The following PCYT2 variants were observed in gnomAD, a reference collection of about 807,000 sequenced individuals.
PCYT2 encodes phosphate cytidylyltransferase 2, ethanolamine.
PCYT2 carries 33 observed loss-of-function variants against 50.0 expected under a neutral mutation model. The ratio of observed to expected loss-of-function variants is 0.66; its 90% CI spans 0.50 to 0.88. PCYT2 has a LOEUF of 0.88. Ranked by LOEUF, PCYT2 falls within the 40% of genes least tolerant of loss-of-function variation. PCYT2 has a pLI of 0.00. For missense variants in PCYT2, 430 were observed against 519.7 expected (o/e 0.83, Z 1.68); for synonymous variants, 240 against 203.7 (o/e 1.18, Z -1.52).
chr17:81,905,476 C>T (rs1413987004), intron 10 of PCYT2, 29 bp from the exon 11 acceptor site: 1 of 1,556,944 alleles, frequency 6.4e-7, no homozygotes, highest in Admixed American at 1.9e-5. Flanking sequence ...CAGGAGCCCT[C>T]CCCGGGGAGG....
chr17:81,902,741 C>T lies in PCYT2; in HGVS notation c.*2092G>A, dbSNP rs778717259. The T allele has an allele frequency of 6.8e-5, 110 of 1,605,910 alleles. No individual in the cohort carries two copies. Among genetic ancestry groups the T allele is most frequent in the Non-Finnish European group, 9.0e-5 (106 of 1,177,676 alleles). ...TCCCTGCGCGCAGCCGACTGCCTCG[C>T]CGCCTGAGCCCGGACCTCTCCTGGC... is the stretch of plus-strand genomic sequence containing the variant. On this transcript the variant is annotated 3_prime_UTR_variant, in exon 13 of 13. Coordinates refer to ENST00000538936, the MANE Select transcript of PCYT2 (RefSeq NM_002861.5).
chr17:81,905,390 G>T lies in PCYT2; in HGVS notation c.961C>A (p.Pro321Thr). ...EIIPDRDGSD[P>T]YQEPKRRGIF... Reference sequence around the variant, plus strand: ...GGGCCAGCATGACCCACCTGGTATGGGTCGGAGCCATCCCTGTCAGGGATA... The same window carrying T: ...GGGCCAGCATGACCCACCTGGTATGTGTCGGAGCCATCCCTGTCAGGGATA... The change falls in exon 11 of 13, where the codon CCA (proline) becomes ACA (threonine). Residue 321 changes from proline to threonine, a missense_variant. Physicochemically the swap from Pro to Thr is conservative, Grantham distance 38. Around this residue, in one of 4 missense-constraint regions of PCYT2, gnomAD observed 248 missense variants for 300.2 expected, o/e 0.83. Coordinates refer to ENST00000538936, the MANE Select transcript of PCYT2 (RefSeq NM_002861.5). 6.4e-7 allele frequency: 1 copy of T among 1,559,286 alleles called. No homozygotes were observed. The highest frequency in any genetic ancestry group is 8.7e-7 in the Non-Finnish European group (1 of 1,151,568).
rs530244249 is a variant in PCYT2 at position 81,902,801 on chromosome 17, C to T, written c.*2032G>A. On this transcript the variant is annotated 3_prime_UTR_variant, in exon 13 of 13. Transcript: ENST00000538936. ...GGCCCCCCGCCCCCACCGTCCCACT[C>T]GGTGACCCCAGGCCCCTCCGGCGCG... is the stretch of plus-strand genomic sequence containing the variant. 4 of 1,538,334 alleles carry T rather than the reference C, an allele frequency of 2.6e-6. No homozygotes were observed. The highest frequency in any genetic ancestry group is 2.8e-5 in the African/African-American group (2 of 71,560).
intron 1 of PCYT2, among the ~76,000 whole-genome samples, chr17:81,910,502 G>T (rs2040532060): frequency 6.6e-6 from 1 of 152,228 alleles, no homozygotes; most frequent in Non-Finnish European, 1.5e-5. Context: ...TGGAGGGGAG[G>T]AGGGGGCAGA....
At chr17:81,908,449 G>T in intron 4 of PCYT2, 119 bp downstream of exon 4, 1 of 735,448 alleles carries the variant, frequency 1.4e-6, no homozygotes, top group Non-Finnish European at 2.3e-6. Flanking sequence ...TGGGCGTGAG[G>T]AACATGGCCC....
Position 81,905,893 on chromosome 17 carries a change from G to T in PCYT2, c.838-158C>A. On this transcript the variant is annotated intron_variant, in intron 9 of 12. Transcript: ENST00000538936. The stretch of plus-strand genomic sequence containing the variant: ...GGGGACCCCTGGGGCTCCTCCATGA[G>T]ACAAGAAGGAACAGCATCTGGAGAC... 4 of 808,218 alleles carry T rather than the reference G, an allele frequency of 4.9e-6. 1 individual carries two copies. The highest frequency in any genetic ancestry group is 6.0e-4 in the Middle Eastern group (2 of 3,346). The allele number at this position is 808,218 out of a possible 1,614,324, so 50.1% of individuals were successfully genotyped here.
At position 81,908,928 on chromosome 17, in the gene PCYT2, G is replaced by A; in HGVS notation, c.288C>T (p.Val96=). The A allele has an allele frequency of 6.2e-7, 1 of 1,613,888 alleles. No individual in the cohort carries two copies. Among genetic ancestry groups the A allele is most frequent in the South Asian group, 1.1e-5 (1 of 91,076 alleles). The change falls in exon 3 of 13, where the codon GTC becomes GTT. Residue 96 remains valine (V), a synonymous_variant. Transcript: ENST00000538936. ...VDEVVPAAPY[V]TTLETLDKYN... is the part of the protein sequence containing the mutation. ...ATTTGTCCAGGGTCTCTAGTGTAGT[G>A]ACGTAGGGAGCCGCTGGCACCACCT...
chr17:81,905,884 C>T, intron 9 of PCYT2, 149 bp from the exon 10 acceptor site: 2 of 846,590 alleles, frequency 2.4e-6, no homozygotes, highest in South Asian at 2.8e-5. Flanking sequence ...CCCTGGGGCT[C>T]CTCCATGAGA....
At position 81,906,192 on chromosome 17, in the gene PCYT2, C is replaced by T. The variant is rs1449542722; in HGVS notation, c.760-15G>A. 7 of 1,601,532 alleles carry T rather than the reference C, an allele frequency of 4.4e-6. No individual in the cohort carries two copies. Among genetic ancestry groups the T allele is most frequent in the Admixed American group, 3.4e-5 (2 of 58,124 alleles). On this transcript the variant is annotated splice_polypyrimidine_tract_variant and intron_variant, in intron 8 of 12. Transcript: ENST00000538936. Reference sequence around the variant, plus strand: ...TGATTGACCTCCTGCGGCCAGAGTGCGGCTAGCTCAGCCCGGAGACTTTTT... The same window carrying T: ...TGATTGACCTCCTGCGGCCAGAGTGTGGCTAGCTCAGCCCGGAGACTTTTT...
intron 1 of PCYT2, 128 bp downstream of exon 1, chr17:81,911,139 G>C: frequency 3.6e-5 from 36 of 1,001,914 alleles, no homozygotes; most frequent in Non-Finnish European, 4.3e-5. Context: ...CAGCCTGCCA[G>C]CCCCGGCCCA....
rs1170260775 is a variant in PCYT2 at position 81,904,653 on chromosome 17, TG to T, written c.*179del. ...GGACACCCTCTCTGAGCAGCTTTGCTGGAAAGAGCGGAGAGCCTGCTGCAAA... is the reference window on the plus strand; with the variant it reads ...GGACACCCTCTCTGAGCAGCTTTGCTGAAAGAGCGGAGAGCCTGCTGCAAA... On this transcript the variant is annotated 3_prime_UTR_variant, in exon 13 of 13. Transcript: ENST00000538936. 9 of 587,422 alleles carry T rather than the reference TG, an allele frequency of 1.5e-5. No individual in the cohort carries two copies. Among genetic ancestry groups the T allele is most frequent in the African/African-American group, 3.7e-5 (2 of 53,704 alleles). 36.4% of individuals were successfully genotyped at this position (587,422 alleles called of 1,614,324 possible).
intron 1 of PCYT2, 51 bp from the exon 2 acceptor site, chr17:81,909,653 G>A (rs113188328): frequency 7.1e-7 from 1 of 1,412,888 alleles, no homozygotes; most frequent in South Asian, 1.1e-5. Flanking sequence ...TGGGGACCAG[G>A]TGTCCCTGTG....
In PCYT2 at chr17:81,905,660, G is replaced by A. The variant is rs371587650; in HGVS notation, c.903+10C>T. Reference sequence around the variant, plus strand: ...CAGAGGGAACGAGGTGAGCCCATGCGGAGCCTCACCTTGAAGTGACTTAGG... The same window carrying A: ...CAGAGGGAACGAGGTGAGCCCATGCAGAGCCTCACCTTGAAGTGACTTAGG... On this transcript the variant is annotated intron_variant, in intron 10 of 12. Coordinates refer to ENST00000538936, the MANE Select transcript of PCYT2 (RefSeq NM_002861.5). The A allele has an allele frequency of 2.0e-4, 327 of 1,610,784 alleles. No individual in the cohort carries two copies. The highest frequency in any genetic ancestry group is 1.9e-3 in the East Asian group (85 of 44,872).
At position 81,904,621 on chromosome 17, in the gene PCYT2, C is replaced by T. The variant is rs2040136739; in HGVS notation, c.*212G>A. ...GCCCGTCTCACTTCCGGCCTCTCCA[C>T]TGTGCTGGACACCCTCTCTGAGCAG... On this transcript the variant is annotated 3_prime_UTR_variant, in exon 13 of 13. Coordinates refer to ENST00000538936, the MANE Select transcript of PCYT2 (RefSeq NM_002861.5). The T allele has an allele frequency of 1.3e-5, 7 of 544,170 alleles. No homozygotes were observed. In the East Asian group the frequency reaches 2.1e-4, roughly 16 times the overall value. The allele number at this position is 544,170 out of a possible 1,614,324, so 33.7% of individuals were successfully genotyped here.
chr17:81,905,564 G>A (rs1472998512), intron 10 of PCYT2, 106 bp downstream of exon 10: 1 of 1,431,898 alleles, frequency 7.0e-7, no homozygotes, highest in Non-Finnish European at 9.8e-7. Context: ...CTCAGCCCAG[G>A]TACCTCCTGG....
At chr17:81,910,833 G>GAGGAGGACCC in intron 1 of PCYT2, 1 of 957,656 alleles carries the variant, frequency 1.0e-6, no homozygotes, top group Non-Finnish European at 1.2e-6. Context: ...TAGCCCCGCG[G>GAGGAGGACCC]AGGAGGACCC....
At chr17:81,908,202 GTGAA>G (rs2040383132) in intron 4 of PCYT2, among the ~76,000 whole-genome samples, 1 of 152,202 alleles carries the variant, frequency 6.6e-6, no homozygotes, top group South Asian at 2.1e-4. Context: ...CTGCAGCTGA[GTGAA>G]TTCTCAGCTG....
In PCYT2 at chr17:81,909,114, C is replaced by T. The variant is rs2040440282; in HGVS notation, c.179-77G>A. 1.7e-5 allele frequency: 26 copies of T among 1,555,028 alleles called. No homozygotes were observed. The East Asian group carries it at 5.6e-4, about 34-fold the overall frequency. On this transcript the variant is annotated intron_variant, in intron 2 of 12. Transcript: ENST00000538936. The stretch of plus-strand genomic sequence containing the variant: ...CAGTAGGAGGCCCCTTCCCAGCACC[C>T]AGCTGTAGCCACACAAGAGGGCCGG...
intron 4 of PCYT2, 106 bp from the exon 5 acceptor site, chr17:81,907,963 C>T (rs777186065): frequency 3.8e-5 from 35 of 915,266 alleles, no homozygotes; most frequent in Non-Finnish European, 5.2e-5. Flanking sequence ...GCAGAACCCA[C>T]GGCTGCCCCA....
Sources: gnomAD v4.1 joint callset for allele counts (sites outside exome capture counted in the v4.1 genomes callset) on GRCh38, gnomAD v4.1.1 for gene constraint, gnomAD v4.1.1 regional missense constraint, MANE v1.5 for transcripts, NCBI Gene and HGNC (gene_info 2026-07-23, HGNC 2026-07-21) for gene names.